Variants in CDKL5 observed in about 807,000 individuals in gnomAD.
CDKL5 encodes the protein cyclin dependent kinase like 5, also known as cyclin-dependent kinase-like 5.
Under a neutral mutation model 61.7 loss-of-function variants are expected in CDKL5, and 8 were observed. That is an observed-to-expected ratio of 0.13 (90% CI 0.08 to 0.23). CDKL5 has a LOEUF of 0.23. Among genes scored for constraint, CDKL5 ranks in the 10% least tolerant of loss-of-function variants. The pLI is 1.00. For missense variants in CDKL5, 440 were observed against 734.5 expected (o/e 0.60, Z 4.63); for synonymous variants, 275 against 272.3 (o/e 1.01, Z -0.10).
Position 18,564,511 on chromosome X carries a change from A to G in CDKL5, c.134A>G (p.Lys45Arg). 1 of 977,276 alleles carries G rather than the reference A, an allele frequency of 1.0e-6. No homozygotes were observed. The highest frequency in any genetic ancestry group is 1.4e-6 in the Non-Finnish European group (1 of 693,828). The allele number at this position is 977,276 out of a possible 1,213,427, so 80.5% of individuals were successfully genotyped here. ...GAAATTGTGGCGATCAAGAAATTCA[A>G]GGACAGTGAAGGTAGATATATATAT... is the stretch of plus-strand genomic sequence containing the variant. ...THEIVAIKKF[K>R]DSEENEEVKE... Residue 45 changes from lysine (K) to arginine (R), a missense_variant, in exon 4 of 18, where the codon AAG becomes AGG. Physicochemically the swap from Lys to Arg is conservative, Grantham distance 26. Coordinates refer to ENST00000623535, the MANE Select transcript of CDKL5 (RefSeq NM_001323289.2).
intron 1 of CDKL5, among the ~76,000 whole-genome samples, chrX:18,462,421 C>G (rs977299724): frequency 6.2e-5 from 7 of 112,076 alleles, no homozygotes; most frequent in Non-Finnish European, 1.3e-4. Context: ...CCACTCCAGA[C>G]CTACTGATTC....
In CDKL5 at chrX:18,497,858, GCAGTGCA is replaced by G. The variant is rs914781165; in HGVS notation, c.-162-9060_-162-9054del. 5.8e-4 allele frequency among the ~76,000 whole-genome samples: 62 copies of G among 107,354 alleles called. 1 individual carries two copies. The highest frequency in any genetic ancestry group is 4.1e-4 in the African/African-American group (12 of 29,303). The allele number at this position is 107,354 out of a possible 115,157, so 93.2% of individuals were successfully genotyped here. A position where few individuals can be genotyped will look rare whatever the true frequency, so the allele number is the denominator to read the frequency against. On this transcript the variant is annotated intron_variant, in intron 1 of 17. Coordinates refer to ENST00000623535, the MANE Select transcript of CDKL5 (RefSeq NM_001323289.2). ...TTTCCTTTCTTTCTCTGTCACCCCG[GCAGTGCA>G]CAGTGCACAGTGCACAATCACGGCT...
chrX:18,630,033 G>A lies in CDKL5; in HGVS notation c.*1276G>A. The A allele has an allele frequency of 2.7e-6, 2 of 753,467 alleles. No individual in the cohort carries two copies. Among genetic ancestry groups the A allele is most frequent in the Non-Finnish European group, 1.6e-6 (1 of 638,899 alleles). The allele number at this position is 753,467 out of a possible 1,213,427, so 62.1% of individuals were successfully genotyped here. On this transcript the variant is annotated 3_prime_UTR_variant, in exon 18 of 18. Transcript: ENST00000623535. ...TGATGGGGTGTGAGATATATGTGTG[G>A]CATTTCTATTTCTGAATGCCTTTTT...
chrX:18,534,808 T>TA (rs1923764372), intron 3 of CDKL5, among the ~76,000 whole-genome samples: 1 of 112,036 alleles, frequency 8.9e-6, no homozygotes, highest in Admixed American at 9.5e-5. Context: ...CTATTATAGG[T>TA]ATATGTACAT....
At chrX:18,487,451 GCA>G (rs1415856962) in intron 1 of CDKL5, among the ~76,000 whole-genome samples, 1 of 112,562 alleles carries the variant, frequency 8.9e-6, no homozygotes, top group African/African-American at 3.2e-5. Flanking sequence ...GCATGGACCA[GCA>G]CACACGGCTA....
intron 15 of CDKL5, among the ~76,000 whole-genome samples, chrX:18,618,524 G>A (rs959853652): frequency 8.9e-6 from 1 of 111,819 alleles, no homozygotes; most frequent in Admixed American, 9.5e-5. Flanking sequence ...TTTAGCTTAC[G>A]ACAGTCTGTC....
chrX:18,510,592 A>G (rs992377898), intron 2 of CDKL5, among the ~76,000 whole-genome samples: 2 of 112,811 alleles, frequency 1.8e-5, no homozygotes, highest in Non-Finnish European at 3.7e-5. Flanking sequence ...TTCTTTAAAA[A>G]GAAACATTTA....
At chrX:18,609,325 T>G in intron 13 of CDKL5, 140 bp from the exon 14 acceptor site, 7 of 1,070,145 alleles carry the variant, frequency 6.5e-6, no homozygotes, top group Non-Finnish European at 8.8e-6. Flanking sequence ...ACTGGGGCAG[T>G]CAAGGCTACA....
intron 3 of CDKL5, among the ~76,000 whole-genome samples, chrX:18,548,104 G>A (rs1318003138): frequency 9.1e-6 from 1 of 109,467 alleles, no homozygotes; most frequent in Non-Finnish European, 1.9e-5. Flanking sequence ...GTAGAGGAAA[G>A]GGAAGGGGTG....
chrX:18,432,757 C>G (rs1452026553), intron 1 of CDKL5, among the ~76,000 whole-genome samples: 1 of 110,373 alleles, frequency 9.1e-6, no homozygotes, highest in Non-Finnish European at 1.9e-5. Flanking sequence ...CAGGTGCAGG[C>G]TGCCATGCCT....
chrX:18,526,427 A>G (rs1240741532), intron 3 of CDKL5, among the ~76,000 whole-genome samples: 5 of 111,162 alleles, frequency 4.5e-5, no homozygotes, highest in Admixed American at 9.6e-5. Context: ...TTTCTTCCCA[A>G]TTTGTATATC....
At position 18,631,894 on chromosome X, in the gene CDKL5, A is replaced by G. The variant is rs1927246887; in HGVS notation, c.*3137A>G. ...GCTGACTCTACAACTGTGGTTCTCA[A>G]CTAGGGGCAGATTTACCCCCAAGGG... On this transcript the variant is annotated 3_prime_UTR_variant, in exon 18 of 18. Transcript: ENST00000623535. The G allele has an allele frequency of 2.7e-6, 2 of 746,550 alleles. No homozygotes were observed. Among genetic ancestry groups the G allele is most frequent in the African/African-American group, 2.3e-5 (1 of 43,121 alleles). The allele number at this position is 746,550 out of a possible 1,213,427, so 61.5% of individuals were successfully genotyped here. A position where few individuals can be genotyped will look rare whatever the true frequency, so the allele number is the denominator to read the frequency against.
intron 3 of CDKL5, among the ~76,000 whole-genome samples, chrX:18,552,870 A>AG (rs754814850): frequency 6.5e-4 from 72 of 111,472 alleles, no homozygotes; most frequent in African/African-American, 2.1e-3. Context: ...GAGGTGGAAG[A>AG]GCTACCTGGC....
intron 2 of CDKL5, among the ~76,000 whole-genome samples, chrX:18,508,155 A>G (rs1430888857): frequency 8.9e-6 from 1 of 112,551 alleles, no homozygotes; most frequent in Non-Finnish European, 1.9e-5. Context: ...GTTTCTTAGC[A>G]TTTATATCTT....
intron 1 of CDKL5, among the ~76,000 whole-genome samples, chrX:18,459,480 T>C (rs1216245981): frequency 9.2e-6 from 1 of 109,073 alleles, no homozygotes; most frequent in Non-Finnish European, 1.9e-5. Context: ...GAGAATCTCT[T>C]GAACCTGGGA....
intron 17 of CDKL5, chrX:18,626,724 C>CT (rs1369410625): frequency 2.7e-4 from 10 of 36,576 alleles, no homozygotes; most frequent in African/African-American, 8.2e-4. Context: ...CTCTCTCTCT[C>CT]CCCCCTCTCT....
chrX:18,626,618 C>A (rs1224018172), intron 17 of CDKL5, among the ~76,000 whole-genome samples: 4 of 95,731 alleles, frequency 4.2e-5, no homozygotes, highest in African/African-American at 1.6e-4. Flanking sequence ...GAATAGAGAG[C>A]TTTAGAACTT....
At chrX:18,542,747 G>C (rs772641369) in intron 3 of CDKL5, among the ~76,000 whole-genome samples, 1 of 108,412 alleles carries the variant, frequency 9.2e-6, no homozygotes, top group East Asian at 2.9e-4. Flanking sequence ...TAGCCACCCA[G>C]TTGAGGTATA....
At chrX:18,545,606 T>C (rs1924163829) in intron 3 of CDKL5, among the ~76,000 whole-genome samples, 1 of 112,779 alleles carries the variant, frequency 8.9e-6, no homozygotes, top group Admixed American at 9.4e-5. Context: ...TTTTCGTTCA[T>C]TTGAAATGTA....
Sources: allele counts gnomAD v4.1 joint callset (sites outside exome capture counted in the v4.1 genomes callset), GRCh38; gene constraint gnomAD v4.1.1; transcripts MANE v1.5; gene names NCBI Gene and HGNC (gene_info 2026-07-23, HGNC 2026-07-21).